The following TMTC1 variants were observed in gnomAD, a reference collection of about 807,000 sequenced individuals.
TMTC1 encodes the protein protein O-mannosyl-transferase TMTC1.
In TMTC1, 73 loss-of-function variants were observed where a neutral mutation model predicts 104.8. The ratio of observed to expected loss-of-function variants is 0.70; its 90% CI spans 0.58 to 0.85. The LOEUF (loss-of-function observed/expected upper bound fraction) is 0.85. TMTC1 is among the 40% of genes least tolerant of loss of function. The pLI, the probability that TMTC1 is intolerant of heterozygous loss-of-function variation, is 0.00. For missense variants in TMTC1, 1,035 were observed against 1,096.1 expected, an observed-to-expected ratio of 0.94 and a Z score of 0.79; for synonymous variants, 434 against 428.7, an observed-to-expected ratio of 1.01 and a Z score of -0.15.
intron 5 of TMTC1, among the ~76,000 whole-genome samples, chr12:29,652,891 G>A (rs1366166175): frequency 1.3e-5 from 2 of 151,994 alleles, no homozygotes; most frequent in Middle Eastern, 3.2e-3. Context: ...GTGAAACCCC[G>A]TTTCTACTAA....
At chr12:29,611,990 G>A (rs971979958) in intron 6 of TMTC1, among the ~76,000 whole-genome samples, 1 of 152,076 alleles carries the variant, frequency 6.6e-6, no homozygotes, top group African/African-American at 2.4e-5. Flanking sequence ...GGAAATTGAG[G>A]GCCAGAGAGC....
downstream of TMTC1, chr12:29,500,829 A>G (rs1397992718): frequency 6.6e-6 from 1 of 152,620 alleles, no homozygotes. Context: ...AGAGATTGAA[A>G]CCAGACATAC....
intron 5 of TMTC1, among the ~76,000 whole-genome samples, chr12:29,725,494 C>T (rs1942365475): frequency 1.3e-5 from 2 of 152,134 alleles, no homozygotes; most frequent in African/African-American, 4.8e-5. Flanking sequence ...CTACCACACC[C>T]AGTCCTGCCA....
In TMTC1 at chr12:29,783,675, G is replaced by A. The variant is rs1387216542; in HGVS notation, c.77C>T (p.Pro26Leu). ...GGCCAGCAGCGCCGCGGCCCCGGCC[G>A]GCGCTAGCCCGCAGCCCCGCCGCCG... Reference protein sequence around the residue: ...PSRRRGCGLAPAGAAALLAGA... With the variant: ...PSRRRGCGLALAGAAALLAGA... The change falls in exon 1 of 18, where the codon CCG becomes CTG. Residue 26 changes from proline to leucine, a missense_variant. Coordinates refer to ENST00000539277, the MANE Select transcript of TMTC1 (RefSeq NM_001193451.2). The surrounding 1 kb of genome is among the most constrained non-coding windows in gnomAD (Gnocchi z 4.7). 7 of 1,304,358 alleles carry A rather than the reference G, an allele frequency of 5.4e-6. No individual in the cohort carries two copies. The Admixed American group carries it at 1.6e-4, about 30-fold the overall frequency. The allele number at this position is 1,304,358 out of a possible 1,614,324, so 80.8% of individuals were successfully genotyped here.
chr12:29,714,455 C>T (rs1007509585), intron 5 of TMTC1, among the ~76,000 whole-genome samples: 51 of 152,102 alleles, frequency 3.4e-4, no homozygotes, highest in African/African-American at 1.2e-3. Flanking sequence ...TTTTTTAAAC[C>T]ACAAATGTGA....
intron 6 of TMTC1, among the ~76,000 whole-genome samples, chr12:29,611,791 TC>T (rs1946852585): frequency 6.6e-6 from 1 of 152,186 alleles, no homozygotes; most frequent in African/African-American, 2.4e-5. Context: ...TATGTGTGTT[TC>T]ACACAGATGG....
intron 7 of TMTC1, among the ~76,000 whole-genome samples, chr12:29,601,417 T>C (rs932862191): frequency 1.1e-4 from 16 of 152,360 alleles, no homozygotes; most frequent in African/African-American, 3.6e-4. Context: ...CTAAACTAGA[T>C]GACACTTTGC....
At chr12:29,600,957 G>T (rs1245571819) in intron 7 of TMTC1, among the ~76,000 whole-genome samples, 1 of 152,176 alleles carries the variant, frequency 6.6e-6, no homozygotes, top group Non-Finnish European at 1.5e-5. Context: ...AATGAAAACT[G>T]GTTTACTGAA....
chr12:29,728,998 CAAAAA>C (rs34267484), intron 5 of TMTC1, among the ~76,000 whole-genome samples: 2 of 68,738 alleles, frequency 2.9e-5, no homozygotes, highest in Middle Eastern at 0.01. Context: ...ACTCCATCTC[CAAAAA>C]AAAAAAAAAA....
At chr12:29,708,979 C>T (rs1006989258) in intron 5 of TMTC1, among the ~76,000 whole-genome samples, 3 of 152,052 alleles carry the variant, frequency 2.0e-5, no homozygotes, top group African/African-American at 7.2e-5. Context: ...AAGAGAATAT[C>T]CTTTCAGACT....
At chr12:29,654,117 A>G (rs887227966) in intron 5 of TMTC1, among the ~76,000 whole-genome samples, 3 of 152,112 alleles carry the variant, frequency 2.0e-5, no homozygotes, top group Admixed American at 1.3e-4. Context: ...AAAAACTTAC[A>G]TGCTTCAAAG....
At chr12:29,586,419 T>C (rs1479248471) in intron 7 of TMTC1, among the ~76,000 whole-genome samples, 2 of 152,156 alleles carry the variant, frequency 1.3e-5, no homozygotes, top group Admixed American at 6.5e-5. Flanking sequence ...TAATTGAATA[T>C]CTTTTATTTC....
At chr12:29,723,776 T>C (rs1942304152) in intron 5 of TMTC1, among the ~76,000 whole-genome samples, 1 of 152,022 alleles carries the variant, frequency 6.6e-6, no homozygotes, top group African/African-American at 2.4e-5. Context: ...TAAGTAGAAA[T>C]TTAATCTGTG....
chr12:29,766,712 G>A (rs1319998786), intron 2 of TMTC1, among the ~76,000 whole-genome samples: 1 of 152,164 alleles, frequency 6.6e-6, no homozygotes, highest in Non-Finnish European at 1.5e-5. Flanking sequence ...TACTGCAGGT[G>A]TGTACTCAGG....
At chr12:29,649,353 T>G (rs1490501250) in intron 5 of TMTC1, among the ~76,000 whole-genome samples, 2 of 152,228 alleles carry the variant, frequency 1.3e-5, no homozygotes, top group East Asian at 3.8e-4. Context: ...TTAGAGCAAC[T>G]ACAAAGAAGA....
Position 29,702,347 on chromosome 12 carries a change from C to T in TMTC1, c.938+49319G>A, listed in dbSNP as rs57987829. On this transcript the variant is annotated intron_variant, in intron 5 of 17. Coordinates refer to ENST00000539277, the MANE Select transcript of TMTC1 (RefSeq NM_001193451.2). ...TCTAATAAATTACTCCAAAACTTGT[C>T]GGGCTCAGATGGGGATAGATCACTC... 9.7e-3 allele frequency among the ~76,000 whole-genome samples: 1,471 copies of T among 152,264 alleles called. 21 individuals carry two copies. The highest frequency in any genetic ancestry group is 0.032 in the African/African-American group (1,338 of 41,542).
At chr12:29,513,232 T>C (rs1489952745) in intron 16 of TMTC1, among the ~76,000 whole-genome samples, 3 of 152,126 alleles carry the variant, frequency 2.0e-5, no homozygotes, top group African/African-American at 4.8e-5. Flanking sequence ...GCCTTTCTTA[T>C]AGGATTCTTG....
At chr12:29,682,838 G>C (rs983937143) in intron 5 of TMTC1, among the ~76,000 whole-genome samples, 6 of 152,004 alleles carry the variant, frequency 3.9e-5, no homozygotes, top group African/African-American at 1.5e-4. Context: ...GAGTGTGGTG[G>C]TGCTTACATG....
intron 7 of TMTC1, among the ~76,000 whole-genome samples, chr12:29,598,611 A>C (rs1250870879): frequency 6.6e-6 from 1 of 151,702 alleles, no homozygotes; most frequent in South Asian, 2.1e-4. Context: ...TATTTCTTCC[A>C]TTTCTTTCAT....
Sources: gnomAD v4.1 joint callset for allele counts (sites outside exome capture counted in the v4.1 genomes callset) on GRCh38, gnomAD v4.1.1 for gene constraint, Gnocchi (gnomAD v3.1) non-coding constraint, MANE v1.5 for transcripts, NCBI Gene and HGNC (gene_info 2026-07-23, HGNC 2026-07-21) for gene names.